The following ANTXR2 variants were observed in gnomAD, a reference collection of about 807,000 sequenced individuals.
ANTXR2 encodes anthrax toxin receptor 2.
A neutral mutation model predicts 73.7 loss-of-function variants in ANTXR2; 44 were observed. The ratio of observed to expected loss-of-function variants is 0.60; its 90% CI spans 0.47 to 0.77. The LOEUF (loss-of-function observed/expected upper bound fraction) is 0.77, where lower values mean the gene tolerates loss of function less well. Ranked by LOEUF, ANTXR2 falls within the 30% of genes least tolerant of loss-of-function variation. ANTXR2 has a pLI of 0.00. For synonymous variants in ANTXR2, 217 were observed against 205.9 expected, an observed-to-expected ratio of 1.05 and a Z score of -0.46; for missense variants, 604 against 592.5, an observed-to-expected ratio of 1.02 and a Z score of -0.20.
At chr4:79,929,827 G>T (rs1347950311) in intron 16 of ANTXR2, among the ~76,000 whole-genome samples, 1 of 152,134 alleles carries the variant, frequency 6.6e-6, no homozygotes, top group Non-Finnish European at 1.5e-5. Context: ...GTATATAATA[G>T]TTTTCCGACA....
chr4:80,025,919 A>G (rs11935718), intron 10 of ANTXR2, among the ~76,000 whole-genome samples: 13,775 of 152,202 alleles, frequency 0.091, 2,021 homozygotes, highest in African/African-American at 0.31. Flanking sequence ...TGGACATCAC[A>G]GGAAAGCTGT....
intron 16 of ANTXR2, among the ~76,000 whole-genome samples, chr4:79,953,899 T>C (rs1320114715): frequency 6.6e-6 from 1 of 152,100 alleles, no homozygotes; most frequent in East Asian, 1.9e-4. Context: ...ACAAAAATAG[T>C]TCACTAGTAC....
chr4:80,012,719 C>T (rs1453935647), intron 11 of ANTXR2, among the ~76,000 whole-genome samples: 1 of 152,134 alleles, frequency 6.6e-6, no homozygotes, highest in Admixed American at 6.5e-5. Context: ...AAGTAACAAC[C>T]TTTCAGAGCC....
chr4:79,983,537 A>G (rs1226974746), intron 14 of ANTXR2, among the ~76,000 whole-genome samples: 2 of 152,172 alleles, frequency 1.3e-5, no homozygotes, highest in Non-Finnish European at 2.9e-5. Context: ...CTTTACAAAG[A>G]AGAACATTGT....
intron 14 of ANTXR2, among the ~76,000 whole-genome samples, chr4:79,981,185 T>G (rs892861828): frequency 2.6e-5 from 4 of 152,158 alleles, no homozygotes; most frequent in African/African-American, 9.7e-5. Context: ...TTTGAAAATG[T>G]TTAATGATGC....
intron 16 of ANTXR2, chr4:79,965,046 A>G (rs1268716574): frequency 6.6e-6 from 1 of 151,746 alleles, no homozygotes; most frequent in Non-Finnish European, 1.5e-5. Flanking sequence ...ACTTCAATTC[A>G]GCAGTGAATT....
intron 3 of ANTXR2, among the ~76,000 whole-genome samples, chr4:80,058,357 C>T (rs1268468601): frequency 1.3e-5 from 2 of 152,010 alleles, no homozygotes; most frequent in East Asian, 3.9e-4. Flanking sequence ...TCCACTCAAT[C>T]CCATCATTAC....
rs199624062 is a variant in ANTXR2 at position 80,054,278 on chromosome 4, A to T, written c.630T>A (p.Ile210=). ...KGGFQALKGI[I]NSILAQSCTE... ...CCCCCAGAGAAATACTCACAGAATT[A>T]ATTATTCCTTTAAGAGCCTGAAATC... is the stretch of plus-strand genomic sequence containing the variant. Residue 210 remains isoleucine (I), a synonymous_variant, in exon 7 of 17, where the codon ATT becomes ATA. Transcript: ENST00000403729. The T allele has an allele frequency of 4.4e-6, 7 of 1,595,924 alleles. No individual in the cohort carries two copies.
intron 11 of ANTXR2, among the ~76,000 whole-genome samples, chr4:80,011,690 G>A (rs888733047): frequency 3.3e-5 from 5 of 152,036 alleles, no homozygotes; most frequent in African/African-American, 1.2e-4. Flanking sequence ...TCTGATTACG[G>A]GACTGAATTC....
intron 3 of ANTXR2, among the ~76,000 whole-genome samples, chr4:80,063,840 C>T (rs1051554585): frequency 6.6e-6 from 1 of 152,048 alleles, no homozygotes; most frequent in African/African-American, 2.4e-5. Context: ...AGATTGAATA[C>T]AGTTTTTCAC....
chr4:79,988,307 G>A (rs1730292793), intron 12 of ANTXR2, among the ~76,000 whole-genome samples: 2 of 129,100 alleles, frequency 1.5e-5, no homozygotes, highest in South Asian at 2.3e-4. Flanking sequence ...AATAGAGAAC[G>A]ATCACTCAAG....
intron 16 of ANTXR2, among the ~76,000 whole-genome samples, chr4:79,923,200 AT>A (rs1208000961): frequency 6.6e-6 from 1 of 152,156 alleles, no homozygotes; most frequent in Non-Finnish European, 1.5e-5. Flanking sequence ...CTGTATGAAT[AT>A]TGAAAGTTTC....
At chr4:80,019,251 C>T (rs1052078115) in intron 10 of ANTXR2, among the ~76,000 whole-genome samples, 8 of 152,110 alleles carry the variant, frequency 5.3e-5, no homozygotes, top group Admixed American at 2.0e-4. Context: ...CCTGTAATCT[C>T]AGCTACTCAG....
At position 80,033,001 on chromosome 4, in the gene ANTXR2, C is replaced by CA. The variant is rs920180465; in HGVS notation, c.796+470dup. Among the ~76,000 whole-genome samples the CA allele has an allele frequency of 4.9e-4, 71 of 145,090 alleles. No homozygotes were observed. In the East Asian group the frequency reaches 6.8e-3, roughly 14 times the overall value. ...GAAATTAGATAAAGAAAACAAGTGA[C>CA]AAAAAAAAAGAAAGAAAAAAAGGAA... On this transcript the variant is annotated intron_variant, in intron 9 of 16. Coordinates refer to ENST00000403729, the MANE Select transcript of ANTXR2 (RefSeq NM_058172.6).
At chr4:80,022,044 T>C (rs1336634662) in intron 10 of ANTXR2, among the ~76,000 whole-genome samples, 4 of 152,204 alleles carry the variant, frequency 2.6e-5, no homozygotes, top group Non-Finnish European at 4.4e-5. Flanking sequence ...GAAACAAGCT[T>C]ATAAAGGTAA....
At chr4:79,922,949 G>A (rs1277884955) in intron 16 of ANTXR2, among the ~76,000 whole-genome samples, 1 of 151,968 alleles carries the variant, frequency 6.6e-6, no homozygotes, top group Admixed American at 6.6e-5. Context: ...TTGATTCAGT[G>A]TTTACACTTC....
intron 12 of ANTXR2, among the ~76,000 whole-genome samples, 155 bp downstream of exon 12, chr4:80,008,366 G>A (rs1731408950): frequency 6.6e-6 from 1 of 152,106 alleles, no homozygotes; most frequent in South Asian, 2.1e-4. Flanking sequence ...TGACCTGCAT[G>A]TTTTCTAGAA....
intron 3 of ANTXR2, 32 bp from the exon 4 acceptor site, chr4:80,056,045 A>T (rs753165580): frequency 7.1e-7 from 1 of 1,402,126 alleles, no homozygotes; most frequent in South Asian, 1.4e-5. Context: ...AGAAAAAATG[A>T]GCAAAGAGCA....
intron 12 of ANTXR2, among the ~76,000 whole-genome samples, chr4:80,003,226 C>T (rs1483563721): frequency 6.6e-6 from 1 of 151,912 alleles, no homozygotes; most frequent in African/African-American, 2.4e-5. Context: ...GAATACTATG[C>T]AGCCATAAAA....
Sources: gnomAD v4.1 joint callset for allele counts (sites outside exome capture counted in the v4.1 genomes callset) on GRCh38, gnomAD v4.1.1 for gene constraint, MANE v1.5 for transcripts, NCBI Gene and HGNC (gene_info 2026-07-23, HGNC 2026-07-21) for gene names.